The following MAP3K5 variants were observed in gnomAD, a reference collection of about 807,000 sequenced individuals.
The protein encoded by MAP3K5 is mitogen-activated protein kinase kinase kinase 5.
Under a neutral mutation model 158.7 loss-of-function variants are expected in MAP3K5, and 56 were observed. That is an observed-to-expected ratio of 0.35 (90% confidence interval 0.28 to 0.44). The LOEUF is 0.44. Ranked by LOEUF, MAP3K5 falls within the 20% of genes least tolerant of loss-of-function variation. MAP3K5 has a pLI of 1.00. For synonymous variants in MAP3K5, 579 were observed against 601.7 expected (o/e 0.96, Z 0.55); for missense variants, 1,294 against 1,674.8 (o/e 0.77, Z 3.97).
chr6:136,698,422 G>C, intron 4 of MAP3K5, 67 bp downstream of exon 4: 1 of 1,364,302 alleles, frequency 7.3e-7, no homozygotes, highest in East Asian at 2.4e-5. Context: ...CTGATATCAT[G>C]CACAAATAAA....
Position 136,594,938 on chromosome 6 carries a change from C to A in MAP3K5, c.2879-2324G>T, listed in dbSNP as rs146764114. Among the ~76,000 whole-genome samples the A allele has an allele frequency of 2.0e-3, 297 of 152,170 alleles. 1 individual carries two copies. Among genetic ancestry groups the A allele is most frequent in the African/African-American group, 6.1e-3 (254 of 41,508 alleles). ...TCCAGTAATGAGAGGACTTGTGTCA[C>A]GCCTGTGAATTTTAACGTTGCTGTG... On this transcript the variant is annotated intron_variant, in intron 21 of 29. Coordinates refer to ENST00000359015, the MANE Select transcript of MAP3K5 (RefSeq NM_005923.4).
At chr6:136,730,197 C>A (rs1267023306) in intron 1 of MAP3K5, among the ~76,000 whole-genome samples, 1 of 148,246 alleles carries the variant, frequency 6.7e-6, no homozygotes, top group African/African-American at 2.5e-5. Flanking sequence ...CAAGGTCTCA[C>A]TATGTCGACC....
intron 2 of MAP3K5, among the ~76,000 whole-genome samples, chr6:136,715,347 T>C (rs1300479305): frequency 6.6e-6 from 1 of 152,212 alleles, no homozygotes; most frequent in Admixed American, 6.5e-5. Flanking sequence ...TATAGCAACC[T>C]TTTCCTTTTT....
intron 25 of MAP3K5, among the ~76,000 whole-genome samples, chr6:136,571,419 A>AG (rs1774360326): frequency 6.6e-6 from 1 of 152,136 alleles, no homozygotes. Flanking sequence ...GAACAATGGG[A>AG]GAGAATAAGC....
At chr6:136,750,590 C>T (rs1051885142) in intron 1 of MAP3K5, among the ~76,000 whole-genome samples, 10 of 152,096 alleles carry the variant, frequency 6.6e-5, no homozygotes, top group African/African-American at 9.7e-5. Flanking sequence ...ATTACCGTTT[C>T]GACAAGATCA....
intron 7 of MAP3K5, among the ~76,000 whole-genome samples, chr6:136,676,048 A>C (rs879689001): frequency 6.6e-6 from 1 of 152,234 alleles, no homozygotes; most frequent in African/African-American, 2.4e-5. Context: ...TGACACAAGG[A>C]AAAAATGGAG....
At chr6:136,618,622 C>T (rs559025280) in intron 15 of MAP3K5, among the ~76,000 whole-genome samples, 17 of 152,224 alleles carry the variant, frequency 1.1e-4, no homozygotes, top group East Asian at 1.9e-4. Flanking sequence ...GTGATGACCT[C>T]GTTAAATTTC....
intron 11 of MAP3K5, among the ~76,000 whole-genome samples, chr6:136,646,597 C>T (rs928514307): frequency 2.0e-5 from 3 of 152,144 alleles, no homozygotes; most frequent in African/African-American, 7.2e-5. Context: ...ACTCTGTTTC[C>T]AAGTGTCCTT....
At chr6:136,791,685 G>A (rs576733647) in intron 1 of MAP3K5, 25 bp downstream of exon 1, 27 of 1,611,126 alleles carry the variant, frequency 1.7e-5, no homozygotes, top group Non-Finnish European at 2.2e-5. Context: ...GACCGCGCGG[G>A]ATGGGAAAGG....
chr6:136,770,689 C>T (rs1325397858), intron 1 of MAP3K5, among the ~76,000 whole-genome samples: 6 of 152,132 alleles, frequency 3.9e-5, no homozygotes, highest in Admixed American at 2.0e-4. Context: ...CCCAGAAATT[C>T]GAGGCCGCAG....
rs370580910 is a variant in MAP3K5, at chr6:136,642,592, T to A, written c.1789-23A>T. 4.0e-6 allele frequency: 6 copies of A among 1,504,466 alleles called. No individual in the cohort carries two copies. In the African/African-American group the frequency reaches 8.3e-5, roughly 21 times the overall value. The allele number at this position is 1,504,466 out of a possible 1,614,324, so 93.2% of individuals were successfully genotyped here. A position where few individuals can be genotyped will look rare whatever the true frequency, so the allele number is the denominator to read the frequency against. ...TTTCTAGAACAACAACAAGAAAATA[T>A]ACTGAGTCATCCAAATGGAAAATAA... On this transcript the variant is annotated intron_variant, in intron 11 of 29. Coordinates refer to ENST00000359015, the MANE Select transcript of MAP3K5 (RefSeq NM_005923.4).
At chr6:136,642,415 T>C (rs1279567908) in intron 12 of MAP3K5, 105 bp downstream of exon 12, 3 of 834,940 alleles carry the variant, frequency 3.6e-6, no homozygotes, top group Non-Finnish European at 6.0e-6. Flanking sequence ...TGAATGATTC[T>C]TGACATTCCT....
chr6:136,692,185 G>A (rs1303587977), intron 7 of MAP3K5, among the ~76,000 whole-genome samples: 1 of 152,026 alleles, frequency 6.6e-6, no homozygotes, highest in Non-Finnish European at 1.5e-5. Flanking sequence ...GGAACAATGG[G>A]AACATGCCAC....
intron 23 of MAP3K5, among the ~76,000 whole-genome samples, chr6:136,587,294 T>C (rs1036397216): frequency 2.6e-4 from 39 of 152,214 alleles, no homozygotes; most frequent in African/African-American, 8.2e-4. Context: ...TTACTTCTGA[T>C]TGATTGTAGA....
At chr6:136,638,035 T>C (rs776787303) in intron 13 of MAP3K5, among the ~76,000 whole-genome samples, 20 of 152,248 alleles carry the variant, frequency 1.3e-4, no homozygotes, top group East Asian at 3.9e-4. Context: ...TTGGACCCCA[T>C]TGATGGAGTT....
At chr6:136,577,525 C>T (rs745720991) in intron 25 of MAP3K5, among the ~76,000 whole-genome samples, 33 of 152,184 alleles carry the variant, frequency 2.2e-4, no homozygotes, top group Non-Finnish European at 3.5e-4. Flanking sequence ...CTTTCTTTAG[C>T]AAACACTTTT....
chr6:136,630,070 G>T (rs1777267424), intron 14 of MAP3K5, among the ~76,000 whole-genome samples: 1 of 152,040 alleles, frequency 6.6e-6, no homozygotes, highest in Non-Finnish European at 1.5e-5. Context: ...CCTTCTTAAT[G>T]AGCTTCCCAG....
At chr6:136,601,161 C>T in intron 20 of MAP3K5, 119 bp from the exon 21 acceptor site, 1 of 843,360 alleles carries the variant, frequency 1.2e-6, no homozygotes, top group South Asian at 1.5e-5. Context: ...AACATTCAAT[C>T]TGCCCATTCT....
intron 21 of MAP3K5, among the ~76,000 whole-genome samples, chr6:136,596,750 T>C (rs1269893627): frequency 3.9e-5 from 6 of 152,226 alleles, no homozygotes; most frequent in Non-Finnish European, 8.8e-5. Flanking sequence ...TTTATACGTT[T>C]GTGGTGGAAA....
Sources: gnomAD v4.1 joint callset for allele counts (sites outside exome capture counted in the v4.1 genomes callset) on GRCh38, gnomAD v4.1.1 for gene constraint, MANE v1.5 for transcripts, NCBI Gene and HGNC (gene_info 2026-07-23, HGNC 2026-07-21) for gene names.